The following PCDHGA8 variants were observed in gnomAD, a reference collection of about 807,000 sequenced individuals.
PCDHGA8 encodes protocadherin gamma subfamily A, 8.
Under a neutral mutation model 59.2 loss-of-function variants are expected in PCDHGA8, and 45 were observed. That is an observed-to-expected ratio of 0.76 (90% CI 0.60 to 0.98). PCDHGA8 has a LOEUF of 0.98. Among genes scored for constraint, PCDHGA8 ranks in the 50% least tolerant of loss-of-function variants. The pLI is 0.00. For synonymous variants in PCDHGA8, 531 were observed against 519.0 expected, an observed-to-expected ratio of 1.02 and a Z score of -0.32; for missense variants, 1,257 against 1,196.2, an observed-to-expected ratio of 1.05 and a Z score of -0.75.
chr5:141,429,239 T>C (rs1344971786), intron 1 of PCDHGA8: 1 of 151,802 alleles, frequency 6.6e-6, no homozygotes, highest in East Asian at 1.9e-4. Context: ...ACTGCTGTCA[T>C]TGAGATATTT....
chr5:141,454,740 G>GAGGCC (rs2098797560), intron 1 of PCDHGA8, among the ~76,000 whole-genome samples: 1 of 147,160 alleles, frequency 6.8e-6, no homozygotes, highest in Non-Finnish European at 1.5e-5. Flanking sequence ...AGGATGAAAA[G>GAGGCC]AGGCCAAACT....
intron 1 of PCDHGA8, among the ~76,000 whole-genome samples, chr5:141,406,762 A>C (rs942707558): frequency 2.0e-5 from 3 of 152,238 alleles, no homozygotes; most frequent in Non-Finnish European, 4.4e-5. Context: ...CAAGGAATTA[A>C]AAATATTTCT....
chr5:141,399,612 G>A (rs1191904235), intron 1 of PCDHGA8: 1 of 1,613,812 alleles, frequency 6.2e-7, no homozygotes, highest in African/African-American at 1.3e-5. Flanking sequence ...TAGAGCCTCT[G>A]GCACTGGCCT....
At chr5:141,418,882 C>T (rs945382775) in intron 1 of PCDHGA8, 8 of 1,613,960 alleles carry the variant, frequency 5.0e-6, no homozygotes, top group Admixed American at 1.7e-5. Flanking sequence ...TAGACGAAAA[C>T]GACAACAGCC....
At chr5:141,415,208 A>C in intron 1 of PCDHGA8, 3 of 1,614,024 alleles carry the variant, frequency 1.9e-6, no homozygotes, top group Non-Finnish European at 2.5e-6. Context: ...GTCCTGGCGG[A>C]CCTCGGCAGC....
chr5:141,419,311 C>T (rs745852942), intron 1 of PCDHGA8: 4 of 1,613,876 alleles, frequency 2.5e-6, no homozygotes, highest in East Asian at 4.5e-5. Context: ...TCGGGCTCAA[C>T]GGCCGTGTCT....
Position 141,408,360 on chromosome 5 carries a change from A to G in PCDHGA8, c.2424+13123A>G, listed in dbSNP as rs373951875. 2.4e-5 allele frequency: 38 copies of G among 1,613,808 alleles called. No homozygotes were observed. In the African/African-American group the frequency reaches 3.7e-4, roughly 16 times the overall value. ...TCGGTGGTGGGGAACCTCGCTAAGG[A>G]TCTAGGGCTCAGTGTCCTGGATGTG... On this transcript the variant is annotated intron_variant, in intron 1 of 3. Coordinates refer to ENST00000398604, the MANE Select transcript of PCDHGA8 (RefSeq NM_032088.2).
At chr5:141,404,560 C>G in intron 1 of PCDHGA8, 1 of 1,613,578 alleles carries the variant, frequency 6.2e-7, no homozygotes, top group South Asian at 1.1e-5. Context: ...CGGCAAGTGA[C>G]AGTGGAAGCC....
chr5:141,478,521 G>A, intron 1 of PCDHGA8: 1 of 1,610,618 alleles, frequency 6.2e-7, no homozygotes, highest in Non-Finnish European at 8.5e-7. Context: ...CAGGTGTTGG[G>A]TGCAGAGAGC....
At chr5:141,407,625 T>C (rs1354209573) in intron 1 of PCDHGA8, among the ~76,000 whole-genome samples, 2 of 152,220 alleles carry the variant, frequency 1.3e-5, no homozygotes, top group African/African-American at 4.8e-5. Context: ...ACATTCTATA[T>C]CTCGTATTAC....
In PCDHGA8 at chr5:141,430,950, T is replaced by A. The variant is rs756423770; in HGVS notation, c.2424+35713T>A. 7 of 1,609,862 alleles carry A rather than the reference T, an allele frequency of 4.3e-6. No individual in the cohort carries two copies. Among genetic ancestry groups the A allele is most frequent in the Non-Finnish European group, 5.1e-6 (6 of 1,178,368 alleles). On this transcript the variant is annotated intron_variant, in intron 1 of 3. Transcript: ENST00000398604. ...CCCCGGGAGCTCGCGGAGCGCGGAG[T>A]CCGCATCATCCCCAGAGGTAGGACG... is the stretch of plus-strand genomic sequence containing the variant.
chr5:141,430,587 T>C, intron 1 of PCDHGA8: 1 of 521,996 alleles, frequency 1.9e-6, no homozygotes, highest in Non-Finnish European at 3.1e-6. Context: ...CCTGCTCGCC[T>C]TGCACGCGCC....
chr5:141,419,350 G>A, intron 1 of PCDHGA8: 1 of 1,613,848 alleles, frequency 6.2e-7, no homozygotes, highest in Non-Finnish European at 8.5e-7. Context: ...GCGACCTGGA[G>A]TCACGAACGC....
At position 141,489,924 on chromosome 5, in the gene PCDHGA8, C is replaced by G. The variant is rs755286650; in HGVS notation, c.2425-4883C>G. ...CAGCCCGCTCAGGGACCACCCTTAT[C>G]TCTGTCATCGTGCTGGACATCAATG... is the stretch of plus-strand genomic sequence containing the variant. On this transcript the variant is annotated intron_variant, in intron 1 of 3. Transcript: ENST00000398604. This position sits in a 1 kb window ranked among gnomAD's most constrained non-coding sequence, Gnocchi z 4.5. 22 of 1,614,226 alleles carry G rather than the reference C, an allele frequency of 1.4e-5. No homozygotes were observed. The highest frequency in any genetic ancestry group is 1.9e-5 in the Non-Finnish European group (22 of 1,180,030).
chr5:141,434,253 G>C (rs979768901), intron 1 of PCDHGA8, among the ~76,000 whole-genome samples: 9 of 152,198 alleles, frequency 5.9e-5, no homozygotes, highest in Non-Finnish European at 1.3e-4. Flanking sequence ...CTTGGGCATT[G>C]TGGGGGAGGT....
chr5:141,478,617 G>A (rs1010415342), intron 1 of PCDHGA8: 1 of 1,556,398 alleles, frequency 6.4e-7, no homozygotes, highest in Non-Finnish European at 8.7e-7. Context: ...AGGAAGGAAT[G>A]GAGCTGTTTT....
intron 1 of PCDHGA8, chr5:141,419,837 C>G (rs778271441): frequency 1.2e-6 from 2 of 1,614,090 alleles, no homozygotes; most frequent in South Asian, 2.2e-5. Context: ...CACTGCCACG[C>G]TGCACCTGGT....
At position 141,431,595 on chromosome 5, in the gene PCDHGA8, A is replaced by G; in HGVS notation, c.2424+36358A>G. The G allele has an allele frequency of 6.2e-7, 1 of 1,614,218 alleles. No homozygotes were observed. The highest frequency in any genetic ancestry group is 8.5e-7 in the Non-Finnish European group (1 of 1,180,034). On this transcript the variant is annotated intron_variant, in intron 1 of 3. Transcript: ENST00000398604. The surrounding 1 kb of genome is among the most constrained non-coding windows in gnomAD (Gnocchi z 4.8). Reference sequence around the variant, plus strand: ...GAAGGAGTCAATGCGGAAGTGAGGTATTCCTTCCGGTATGTGGACGACAAG... The same window carrying G: ...GAAGGAGTCAATGCGGAAGTGAGGTGTTCCTTCCGGTATGTGGACGACAAG...
intron 1 of PCDHGA8, chr5:141,426,204 T>C (rs10046053): frequency 0.11 from 17,599 of 155,696 alleles, 1,197 homozygotes; most frequent in African/African-American, 0.19. Flanking sequence ...TTGAGTTTTC[T>C]ATGTATGGAA....
Sources: gnomAD v4.1 joint callset for allele counts (sites outside exome capture counted in the v4.1 genomes callset) on GRCh38, gnomAD v4.1.1 for gene constraint, Gnocchi (gnomAD v3.1) non-coding constraint, MANE v1.5 for transcripts, NCBI Gene and HGNC (gene_info 2026-07-23, HGNC 2026-07-21) for gene names.